Variants in CNTN4 observed in about 807,000 individuals in gnomAD.
The protein encoded by CNTN4 is contactin-4.
A neutral mutation model predicts 122.5 loss-of-function variants in CNTN4; 77 were observed. The observed-to-expected ratio is 0.63, with a 90% CI of 0.52 to 0.76. The LOEUF is 0.76. Among genes scored for constraint, CNTN4 ranks in the 30% least tolerant of loss-of-function variants. The pLI, the probability that CNTN4 is intolerant of heterozygous loss-of-function variation, is 0.00. For missense variants in CNTN4, 1,256 were observed against 1,259.1 expected, an observed-to-expected ratio of 1.00 and a Z score of 0.04; for synonymous variants, 512 against 447.0, an observed-to-expected ratio of 1.15 and a Z score of -1.83.
intron 3 of CNTN4, among the ~76,000 whole-genome samples, chr3:2,489,204 T>A (rs1452397971): frequency 6.6e-6 from 1 of 152,122 alleles, no homozygotes; most frequent in Admixed American, 6.5e-5. Context: ...TTGTTGAAAA[T>A]TATTTTTGCC....
Position 3,040,085 on chromosome 3 carries a change from G to A in CNTN4, c.2212G>A (p.Ala738Thr), listed in dbSNP as rs889168308. ...TGGTCGAGGCTTTGGTTATGTGGTGGCCTTCCGGCCCTACGGTAAAATGAT... is the reference window on the plus strand; with the variant it reads ...TGGTCGAGGCTTTGGTTATGTGGTGACCTTCCGGCCCTACGGTAAAATGAT... ...QNGRGFGYVV[A>T]FRPYGKMIWM... is the part of the protein sequence containing the mutation. Residue 738 changes from alanine to threonine, a missense_variant, in exon 20 of 25, where the codon GCC becomes ACC. Transcript: ENST00000418658. The A allele has an allele frequency of 6.2e-7, 1 of 1,614,188 alleles. No homozygotes were observed. The highest frequency in any genetic ancestry group is 8.5e-7 in the Non-Finnish European group (1 of 1,179,978).
chr3:2,858,648 A>G (rs1278169531), intron 7 of CNTN4, among the ~76,000 whole-genome samples: 1 of 151,974 alleles, frequency 6.6e-6, no homozygotes, highest in Non-Finnish European at 1.5e-5. Flanking sequence ...ACTTGAACCC[A>G]GGTGGTGGAG....
At chr3:3,021,054 G>A (rs1328050076) in intron 14 of CNTN4, among the ~76,000 whole-genome samples, 7 of 152,162 alleles carry the variant, frequency 4.6e-5, no homozygotes, top group Non-Finnish European at 8.8e-5. Context: ...CATGAGCACT[G>A]AAATGCTTAG....
chr3:2,352,521 AG>A (rs1472179256), intron 3 of CNTN4, among the ~76,000 whole-genome samples: 2 of 152,192 alleles, frequency 1.3e-5, no homozygotes, highest in Non-Finnish European at 2.9e-5. Context: ...TGGCAGCGAG[AG>A]GCTTAGCACC....
At chr3:2,544,053 C>A (rs2078139698) in intron 3 of CNTN4, among the ~76,000 whole-genome samples, 1 of 152,092 alleles carries the variant, frequency 6.6e-6, no homozygotes, top group Non-Finnish European at 1.5e-5. Context: ...AATTCAGAAA[C>A]CTTTCTTGAG....
chr3:2,156,082 G>A (rs2035704779), intron 2 of CNTN4, among the ~76,000 whole-genome samples: 1 of 152,128 alleles, frequency 6.6e-6, no homozygotes, highest in Non-Finnish European at 1.5e-5. Context: ...CTGAGGGCAG[G>A]CCAGTGGCCT....
intron 3 of CNTN4, chr3:2,362,473 C>A (rs937890887): frequency 1.1e-5 from 5 of 468,298 alleles, no homozygotes; most frequent in South Asian, 8.3e-5. Context: ...TGAGGACTAG[C>A]AGTGTCTTGT....
In CNTN4 at chr3:2,294,288, C is replaced by CTT. The variant is rs71058604; in HGVS notation, c.-144-44876_-144-44875dup. Among the ~76,000 whole-genome samples, 328 of 135,604 alleles carry CTT rather than the reference C, an allele frequency of 2.4e-3. 5 individuals are homozygous for CTT. The highest frequency in any genetic ancestry group is 6.9e-3 in the African/African-American group (253 of 36,868). The allele number at this position is 135,604 out of a possible 152,430, so 89.0% of individuals were successfully genotyped here. Reference sequence around the variant, plus strand: ...CAAAGGAAAGGCAGAAGAGTTGTGACTTTTTTTTTTTTTTTACTGAATACC... The same window carrying CTT: ...CAAAGGAAAGGCAGAAGAGTTGTGACTTTTTTTTTTTTTTTTTACTGAATACC... On this transcript the variant is annotated intron_variant, in intron 2 of 24. Transcript: ENST00000418658.
At chr3:2,126,658 T>C (rs1305881371) in intron 2 of CNTN4, among the ~76,000 whole-genome samples, 1 of 152,186 alleles carries the variant, frequency 6.6e-6, no homozygotes, top group Non-Finnish European at 1.5e-5. Context: ...ATATACAAAA[T>C]GGAGTGCTAT....
chr3:2,178,976 T>G (rs2036884758), intron 2 of CNTN4, among the ~76,000 whole-genome samples: 1 of 152,064 alleles, frequency 6.6e-6, no homozygotes, highest in African/African-American at 2.4e-5. Context: ...ATTTATGATC[T>G]AATCTTACTT....
chr3:2,254,698 G>A (rs1014904756), intron 2 of CNTN4, among the ~76,000 whole-genome samples: 3 of 152,184 alleles, frequency 2.0e-5, no homozygotes, highest in African/African-American at 7.2e-5. Flanking sequence ...CTTTTGAGAA[G>A]TGTCTGTTCA....
At chr3:2,463,076 G>A (rs2049288672) in intron 3 of CNTN4, among the ~76,000 whole-genome samples, 1 of 152,048 alleles carries the variant, frequency 6.6e-6, no homozygotes, top group Non-Finnish European at 1.5e-5. Flanking sequence ...GTTGGACGCG[G>A]TGTCTTTTTA....
intron 6 of CNTN4, among the ~76,000 whole-genome samples, chr3:2,782,292 T>G (rs1576772701): frequency 6.7e-6 from 1 of 149,514 alleles, no homozygotes. Flanking sequence ...AGATGGTAGG[T>G]GGGGGGGGGC....
chr3:2,272,873 G>T (rs1052473390), intron 2 of CNTN4, among the ~76,000 whole-genome samples: 29 of 151,828 alleles, frequency 1.9e-4, no homozygotes, highest in African/African-American at 7.0e-4. Flanking sequence ...ACTCTCAGAT[G>T]CTGCTTTTGT....
chr3:2,532,234 A>G (rs1288498142), intron 3 of CNTN4, among the ~76,000 whole-genome samples: 1 of 152,114 alleles, frequency 6.6e-6, no homozygotes, highest in Non-Finnish European at 1.5e-5. Flanking sequence ...CCTAGGTCTT[A>G]TGGCAGGATT....
intron 2 of CNTN4, among the ~76,000 whole-genome samples, chr3:2,331,600 C>T (rs1575393532): frequency 6.6e-6 from 1 of 152,070 alleles, no homozygotes; most frequent in South Asian, 2.1e-4. Context: ...CAATAAATGA[C>T]GCATACCCTG....
chr3:2,669,295 C>G (rs2084357822), intron 4 of CNTN4, among the ~76,000 whole-genome samples: 1 of 152,148 alleles, frequency 6.6e-6, no homozygotes, highest in South Asian at 2.1e-4. Flanking sequence ...TTCAGAGATT[C>G]AACTTCTTCC....
At chr3:2,795,427 C>T (rs535212220) in intron 6 of CNTN4, among the ~76,000 whole-genome samples, 2 of 152,076 alleles carry the variant, frequency 1.3e-5, no homozygotes, top group East Asian at 1.9e-4. Context: ...GACATTCCCA[C>T]GGAGGAAGGG....
chr3:2,283,621 A>T (rs1178866462), intron 2 of CNTN4, among the ~76,000 whole-genome samples: 1 of 152,152 alleles, frequency 6.6e-6, no homozygotes, highest in Non-Finnish European at 1.5e-5. Flanking sequence ...TTTTGGAAGG[A>T]TACATAGGAG....
Sources: gnomAD v4.1 joint callset for allele counts (sites outside exome capture counted in the v4.1 genomes callset) on GRCh38, gnomAD v4.1.1 for gene constraint, MANE v1.5 for transcripts, NCBI Gene and HGNC (gene_info 2026-07-23, HGNC 2026-07-21) for gene names.